Variants in TENM3 observed in about 807,000 individuals in gnomAD.
TENM3 encodes teneurin transmembrane protein 3, also known as teneurin-3.
TENM3 carries 63 observed loss-of-function variants against 255.1 expected under a neutral mutation model. The ratio of observed to expected loss-of-function variants is 0.25; its 90% CI spans 0.20 to 0.30. TENM3 has a LOEUF of 0.30. TENM3 is among the 10% of genes least tolerant of loss of function. TENM3 has a pLI of 1.00. For missense variants in TENM3, 2,929 were observed against 3,461.1 expected, an observed-to-expected ratio of 0.85 and a Z score of 3.86; for synonymous variants, 1,306 against 1,322.3, an observed-to-expected ratio of 0.99 and a Z score of 0.27.
the TENM3 span, among the ~76,000 whole-genome samples, chr4:181,948,150 G>A: frequency 6.6e-6 from 1 of 152,166 alleles, no homozygotes; most frequent in Non-Finnish European, 1.5e-5. Context: ...CTTCAGCCAT[G>A]CAATAATTTA....
At chr4:182,404,283 A>G (rs1419199111) in intron 3 of TENM3, among the ~76,000 whole-genome samples, 1 of 152,224 alleles carries the variant, frequency 6.6e-6, no homozygotes, top group East Asian at 1.9e-4. Flanking sequence ...AAATCTATGA[A>G]TGGTTAACAG....
At position 182,224,911 on chromosome 4, in the gene TENM3, A is replaced by T. The variant is rs1202204965; in HGVS notation, c.-76+80157A>T. On this transcript the variant is annotated intron_variant, in intron 1 of 2. Transcript: ENST00000512480. Reference sequence around the variant, plus strand: ...GCCGCCACACCTGGCTAATTTTTGTATTTTTAGTGACGGGGTTTCACCATG... The same window carrying T: ...GCCGCCACACCTGGCTAATTTTTGTTTTTTTAGTGACGGGGTTTCACCATG... 3.3e-5 allele frequency among the ~76,000 whole-genome samples: 5 copies of T among 151,702 alleles called. No homozygotes were observed. The East Asian group carries it at 9.8e-4, about 30-fold the overall frequency.
intron 3 of TENM3, among the ~76,000 whole-genome samples, chr4:182,499,259 AC>A (rs1456951255): frequency 3.3e-5 from 5 of 152,354 alleles, no homozygotes; most frequent in African/African-American, 1.2e-4. Flanking sequence ...ATTTAGGGTA[AC>A]AAAAAAGAAA....
At chr4:181,928,548 C>T in the TENM3 span, among the ~76,000 whole-genome samples, 12 of 151,922 alleles carry the variant, frequency 7.9e-5, no homozygotes, top group South Asian at 2.1e-4. Context: ...ACCAAACCTA[C>T]GTTTGATGGG....
the TENM3 span, among the ~76,000 whole-genome samples, chr4:181,983,153 C>CAGCA: frequency 4.6e-5 from 7 of 152,146 alleles, no homozygotes; most frequent in African/African-American, 1.7e-4. Context: ...AGCCAGAATG[C>CAGCA]AGCAGTACGT....
chr4:182,083,752 G>A, the TENM3 span, among the ~76,000 whole-genome samples: 2 of 152,164 alleles, frequency 1.3e-5, no homozygotes, highest in South Asian at 4.1e-4. Flanking sequence ...ATACAGGGCA[G>A]GGTATTCAGT....
chr4:181,473,532 C>T, the TENM3 span, among the ~76,000 whole-genome samples: 1 of 151,850 alleles, frequency 6.6e-6, no homozygotes, highest in Non-Finnish European at 1.5e-5. Context: ...GTTGCGGCTG[C>T]AGTGAGCTAA....
At chr4:182,345,841 G>A (rs1764765070) in intron 2 of TENM3, among the ~76,000 whole-genome samples, 1 of 152,008 alleles carries the variant, frequency 6.6e-6, no homozygotes, top group African/African-American at 2.4e-5. Flanking sequence ...ATTTTTCAGG[G>A]AACTTGATTT....
chr4:181,800,602 C>T, the TENM3 span, among the ~76,000 whole-genome samples: 1 of 152,168 alleles, frequency 6.6e-6, no homozygotes, highest in Non-Finnish European at 1.5e-5. Flanking sequence ...CACTGCACTC[C>T]AGCCTGGGCA....
intron 6 of TENM3, among the ~76,000 whole-genome samples, chr4:182,655,766 G>A (rs1753695649): frequency 2.0e-5 from 3 of 152,126 alleles, no homozygotes; most frequent in Admixed American, 2.0e-4. Flanking sequence ...GAAAACAGTG[G>A]CTTTTAAGCT....
the TENM3 span, among the ~76,000 whole-genome samples, chr4:182,026,121 A>C: frequency 6.6e-6 from 1 of 152,178 alleles, no homozygotes; most frequent in African/African-American, 2.4e-5. Flanking sequence ...TGTGGTTTCC[A>C]GCTTCATCCA....
chr4:181,553,320 G>GTATATATA, the TENM3 span, among the ~76,000 whole-genome samples: 103 of 115,740 alleles, frequency 8.9e-4, no homozygotes, highest in African/African-American at 3.4e-3. Context: ...ATGTGTATGC[G>GTATATATA]TATATATATA....
intron 4 of TENM3, among the ~76,000 whole-genome samples, chr4:182,627,006 C>A (rs1333560513): frequency 6.6e-6 from 1 of 152,172 alleles, no homozygotes; most frequent in Non-Finnish European, 1.5e-5. Flanking sequence ...ATCCAGAATT[C>A]TTTCCACTCT....
At chr4:182,195,835 A>G (rs555261283) in intron 1 of TENM3, among the ~76,000 whole-genome samples, 11 of 152,152 alleles carry the variant, frequency 7.2e-5, no homozygotes, top group Non-Finnish European at 1.6e-4. Context: ...AACACTAATT[A>G]TTACTATTTA....
At chr4:182,208,962 C>CT (rs1033277692) in intron 1 of TENM3, among the ~76,000 whole-genome samples, 108 of 150,194 alleles carry the variant, frequency 7.2e-4, no homozygotes, top group African/African-American at 2.5e-3. Context: ...AGCTGTCCCT[C>CT]TTTTTTTTTG....
Position 182,714,071 on chromosome 4 carries a change from T to C in TENM3, c.2222-16T>C. Reference sequence around the variant, plus strand: ...AATACTCAAATCACTGGTGTTTTCCTTCTTTGTCTCGACAGAGGGTTGTCC... The same window carrying C: ...AATACTCAAATCACTGGTGTTTTCCCTCTTTGTCTCGACAGAGGGTTGTCC... On this transcript the variant is annotated splice_polypyrimidine_tract_variant and intron_variant, in intron 12 of 27. Transcript: ENST00000511685. 1.2e-6 allele frequency: 2 copies of C among 1,610,858 alleles called. No homozygotes were observed. The highest frequency in any genetic ancestry group is 1.7e-6 in the Non-Finnish European group (2 of 1,178,582).
chr4:181,867,339 A>C, the TENM3 span, among the ~76,000 whole-genome samples: 7 of 151,966 alleles, frequency 4.6e-5, no homozygotes, highest in South Asian at 1.0e-3. Flanking sequence ...GCCCCCATCC[A>C]ATCTTCCTGC....
At chr4:182,545,762 G>T (rs893441531) in intron 3 of TENM3, among the ~76,000 whole-genome samples, 14 of 151,950 alleles carry the variant, frequency 9.2e-5, no homozygotes, top group South Asian at 2.1e-4. Context: ...TTCCCTCACT[G>T]CCCTATTTAG....
At chr4:182,483,566 A>G (rs1734407187) in intron 3 of TENM3, among the ~76,000 whole-genome samples, 1 of 152,362 alleles carries the variant, frequency 6.6e-6, no homozygotes, top group Middle Eastern at 3.4e-3. Context: ...GTGTGATCCC[A>G]TATATCTCAA....
Sources: allele counts gnomAD v4.1 joint callset (sites outside exome capture counted in the v4.1 genomes callset), GRCh38; gene constraint gnomAD v4.1.1; transcripts MANE v1.5; gene names NCBI Gene and HGNC (gene_info 2026-07-23, HGNC 2026-07-21).